Variants in SP140 observed in about 807,000 individuals in gnomAD.
SP140 encodes SP140 nuclear body protein.
SP140 carries 81 observed loss-of-function variants against 125.0 expected under a neutral mutation model. The observed-to-expected ratio is 0.65, with a 90% CI of 0.54 to 0.78. The LOEUF is 0.78. Among genes scored for constraint, SP140 ranks in the 30% least tolerant of loss-of-function variants. SP140 has a pLI of 0.00. For missense variants in SP140, 858 were observed against 1,037.0 expected (o/e 0.83, Z 2.37); for synonymous variants, 312 against 354.0 (o/e 0.88, Z 1.33).
intron 11 of SP140, 53 bp from the exon 12 acceptor site, chr2:230,255,399 T>C (rs150436053): frequency 4.4e-6 from 7 of 1,597,334 alleles, no homozygotes; most frequent in East Asian, 2.2e-5. Flanking sequence ...CTCTTCATGA[T>C]TTTTTGTTGG....
At position 230,255,548 on chromosome 2, in the gene SP140, G is replaced by GC. The variant is rs201740226; in HGVS notation, c.1240+16_1240+17insC. 2 of 1,610,114 alleles carry GC rather than the reference G, an allele frequency of 1.2e-6. No individual in the cohort carries two copies. Among genetic ancestry groups the GC allele is most frequent in the Non-Finnish European group, 1.7e-6 (2 of 1,178,192 alleles). On this transcript the variant is annotated intron_variant, in intron 12 of 26. Transcript: ENST00000392045. ...CGTGGGTCAGGTAAGGACGGGGGGG[G>GC]GGATTTCTGGCCCTGGGCTGCAGAG...
chr2:230,239,963 C>A (rs777476530), intron 3 of SP140, among the ~76,000 whole-genome samples: 2 of 152,140 alleles, frequency 1.3e-5, no homozygotes, highest in Non-Finnish European at 2.9e-5. Flanking sequence ...ATCCTCCTGG[C>A]CCCAGCATCC....
At chr2:230,242,180 T>G (rs989401359) in intron 4 of SP140, among the ~76,000 whole-genome samples, 1 of 150,696 alleles carries the variant, frequency 6.6e-6, no homozygotes, top group Non-Finnish European at 1.5e-5. Context: ...AAAGGAAAGA[T>G]GAGAGGAAAA....
At position 230,255,523 on chromosome 2, in the gene SP140, C is replaced by T. The variant is rs200313284; in HGVS notation, c.1231C>T (p.Arg411Cys). Residue 411 changes from arginine to cysteine, a missense_variant, in exon 12 of 27, where the codon CGT becomes TGT. Transcript: ENST00000392045. ...RQEASSSLAR[R>C]GSVSSELENH... ...GGAAGCCTCTAGCTCCCTAGCAAGA[C>T]GTGGGTCAGGTAAGGACGGGGGGGG... 1.2e-3 allele frequency: 1,924 copies of T among 1,586,090 alleles called. 2 individuals are homozygous for T. Among genetic ancestry groups the T allele is most frequent in the Non-Finnish European group, 1.5e-3 (1,790 of 1,172,516 alleles).
intron 21 of SP140, among the ~76,000 whole-genome samples, chr2:230,296,967 G>C (rs1044996031): frequency 6.6e-6 from 1 of 152,066 alleles, no homozygotes; most frequent in Non-Finnish European, 1.5e-5. Flanking sequence ...TGAGGTAAAG[G>C]GAAGACTGTT....
chr2:230,219,139 C>T (rs1473882916), intron 3 of SP140, among the ~76,000 whole-genome samples: 1 of 152,154 alleles, frequency 6.6e-6, no homozygotes, highest in Non-Finnish European at 1.5e-5. Context: ...GCAGGAGAAT[C>T]GCTTGAACCT....
At position 230,285,752 on chromosome 2, in the gene SP140, A is replaced by G. The variant is rs765195993; in HGVS notation, c.1565A>G (p.Asp522Gly). The G allele has an allele frequency of 1.9e-5, 30 of 1,612,866 alleles. No homozygotes were observed. The highest frequency in any genetic ancestry group is 2.3e-5 in the Non-Finnish European group (27 of 1,179,022). The change falls in exon 17 of 27, where the codon GAT (aspartate) becomes GGT (glycine). Residue 522 changes from aspartate (D) to glycine (G), a missense_variant and splice_region_variant. Asp to Gly is a moderately conservative substitution (Grantham distance 94). This residue lies in a region of SP140 where 791 missense variants were observed against 869.5 expected (regional missense o/e 0.91). Transcript: ENST00000392045. ...MRRQENSQQN[D>G]NSKADGQVVS... ...TACATTTTCCCCTGCCTATCCCCAG[A>G]TAATAGCAAAGCCGACGGCCAGGTG...
chr2:230,312,364 A>G (rs2059397916), intron 26 of SP140, among the ~76,000 whole-genome samples: 1 of 152,212 alleles, frequency 6.6e-6, no homozygotes, highest in African/African-American at 2.4e-5. Context: ...AAAAATGATA[A>G]CTATTTGAGG....
rs2059436092 is a variant in SP140 at position 230,312,955 on chromosome 2, T to G, written c.*271T>G. 1 of 340,330 alleles carries G rather than the reference T, an allele frequency of 2.9e-6. No homozygotes were observed. Among genetic ancestry groups the G allele is most frequent in the South Asian group, 2.7e-5 (1 of 36,632 alleles). The allele number at this position is 340,330 out of a possible 1,614,324, so 21.1% of individuals were successfully genotyped here. A position where few individuals can be genotyped will look rare whatever the true frequency, so the allele number is the denominator to read the frequency against. On this transcript the variant is annotated 3_prime_UTR_variant, in exon 27 of 27. Coordinates refer to ENST00000392045, the MANE Select transcript of SP140 (RefSeq NM_007237.5). ...ACACCATCCCATACAGGCTCTTACC[T>G]CTTCTCCTGAGGGCTGCTCCAGACA...
At chr2:230,310,481 A>G in intron 23 of SP140, 2 of 770,032 alleles carry the variant, frequency 2.6e-6, no homozygotes, top group South Asian at 3.7e-5. Flanking sequence ...CTGTGCTCCC[A>G]GCAGCTCAGA....
At chr2:230,290,405 GA>G in intron 18 of SP140, 54 bp from the exon 19 acceptor site, 1 of 1,488,816 alleles carries the variant, frequency 6.7e-7, no homozygotes, top group Non-Finnish European at 9.4e-7. Context: ...CCTCAGTAGG[GA>G]GGGGGGACGT....
intron 1 of SP140, chr2:230,207,937 A>T (rs1291711181): frequency 2.0e-5 from 17 of 853,650 alleles, no homozygotes; most frequent in Non-Finnish European, 3.0e-5. Context: ...TTGACCTACA[A>T]GCCCTGCATG....
chr2:230,239,869 T>C (rs1029159995), intron 3 of SP140, among the ~76,000 whole-genome samples: 2 of 152,220 alleles, frequency 1.3e-5, no homozygotes, highest in Non-Finnish European at 2.9e-5. Context: ...AACCAGGGTG[T>C]TCCAGGCTGT....
At chr2:230,231,949 T>G (rs1424887403) in intron 1 of SP140, among the ~76,000 whole-genome samples, 1 of 151,526 alleles carries the variant, frequency 6.6e-6, no homozygotes, top group Non-Finnish European at 1.5e-5. Flanking sequence ...GGCTTTGTGA[T>G]CCACCCGTCT....
intron 1 of SP140, among the ~76,000 whole-genome samples, chr2:230,229,976 C>A: frequency 6.6e-6 from 1 of 151,228 alleles, no homozygotes; most frequent in African/African-American, 2.4e-5. Context: ...TCAATATTTT[C>A]TCTGTCTTTC....
intron 12 of SP140, among the ~76,000 whole-genome samples, chr2:230,259,617 G>A (rs59581368): frequency 0.017 from 2,624 of 151,386 alleles, 100 homozygotes; most frequent in African/African-American, 0.061. Context: ...AACCCGGGAG[G>A]TGGAGGTGGT....
intron 15 of SP140, among the ~76,000 whole-genome samples, chr2:230,283,102 C>T (rs772507652): frequency 2.6e-5 from 4 of 152,298 alleles, no homozygotes; most frequent in African/African-American, 4.8e-5. Context: ...AAGCTGGGCC[C>T]AGCCCCTGCC....
intron 3 of SP140, among the ~76,000 whole-genome samples, chr2:230,217,294 A>C (rs2045323920): frequency 1.3e-5 from 2 of 151,310 alleles, no homozygotes; most frequent in South Asian, 4.2e-4. Context: ...GAATGTGGGA[A>C]GCTTCTCTCT....
At chr2:230,231,707 T>C (rs573476019) in intron 1 of SP140, among the ~76,000 whole-genome samples, 2 of 151,936 alleles carry the variant, frequency 1.3e-5, no homozygotes, top group Admixed American at 6.5e-5. Context: ...CCCTCCACCC[T>C]TTTTTTTCAA....
Sources: allele counts gnomAD v4.1 joint callset (sites outside exome capture counted in the v4.1 genomes callset), GRCh38; gene constraint gnomAD v4.1.1; regional missense constraint gnomAD v4.1.1; transcripts MANE v1.5; gene names NCBI Gene and HGNC (gene_info 2026-07-23, HGNC 2026-07-21).